YEATS2: variants seen among roughly 807,000 people sequenced by gnomAD.
YEATS2 encodes YEATS domain containing 2.
In YEATS2, 77 loss-of-function variants were observed where a neutral mutation model predicts 163.2. The observed-to-expected ratio is 0.47, with a 90% CI of 0.39 to 0.57. The LOEUF is 0.57. Ranked by LOEUF, YEATS2 falls within the 20% of genes least tolerant of loss-of-function variation. YEATS2 has a pLI of 0.00. For synonymous variants in YEATS2, 631 were observed against 645.1 expected, an observed-to-expected ratio of 0.98 and a Z score of 0.33; for missense variants, 1,549 against 1,729.8, an observed-to-expected ratio of 0.90 and a Z score of 1.85.
chr3:183,765,115 T>C (rs1721774081), intron 15 of YEATS2, among the ~76,000 whole-genome samples: 1 of 152,170 alleles, frequency 6.6e-6, no homozygotes. Context: ...TTACTAGTGC[T>C]CCCACTGTGG....
At chr3:183,724,607 C>A in intron 6 of YEATS2, 76 bp downstream of exon 6, 3 of 989,460 alleles carry the variant, frequency 3.0e-6, no homozygotes, top group South Asian at 1.7e-5. Flanking sequence ...TACAGTGTTA[C>A]AGTAGGAAGC....
At chr3:183,801,613 G>A (rs2108517167) in intron 25 of YEATS2, 85 bp downstream of exon 25, 6 of 1,058,386 alleles carry the variant, frequency 5.7e-6, no homozygotes, top group Admixed American at 2.6e-5. Context: ...ACTTGGGATT[G>A]TAAATTAATA....
rs1408034989 is a variant in YEATS2, at chr3:183,732,468, AAAAT to A, written c.812+3631_812+3634del. ...ACTCTGTCTCAAAATAAATAAATAA[AAAAT>A]AAATAAATAAATATCCCCAGGGTCT... On this transcript the variant is annotated intron_variant, in intron 7 of 30. Transcript: ENST00000305135. Among the ~76,000 whole-genome samples, 4 of 150,404 alleles carry A rather than the reference AAAAT, an allele frequency of 2.7e-5. No homozygotes were observed. The South Asian group carries it at 6.3e-4, about 24-fold the overall frequency.
intron 10 of YEATS2, 43 bp downstream of exon 10, chr3:183,752,296 T>C (rs762993630): frequency 6.2e-7 from 1 of 1,609,142 alleles, no homozygotes; most frequent in Admixed American, 1.7e-5. Flanking sequence ...TCTGAGGCAT[T>C]CCTTTCCCAT....
chr3:183,717,081 C>T (rs767074646), intron 2 of YEATS2, among the ~76,000 whole-genome samples: 2 of 152,004 alleles, frequency 1.3e-5, no homozygotes, highest in South Asian at 4.2e-4. Flanking sequence ...TTGGTAGAGA[C>T]GGGGTTTCAC....
chr3:183,704,618 G>T (rs1008791361), intron 1 of YEATS2, among the ~76,000 whole-genome samples: 1 of 151,764 alleles, frequency 6.6e-6, no homozygotes, highest in Non-Finnish European at 1.5e-5. Flanking sequence ...CTTACTGTAT[G>T]ATTTACATTT....
chr3:183,747,651 C>G (rs768318022), intron 8 of YEATS2, 21 bp from the exon 9 acceptor site: 12 of 1,606,234 alleles, frequency 7.5e-6, no homozygotes, highest in African/African-American at 1.3e-5. Flanking sequence ...ATTTAACACT[C>G]TCCCTTTTGT....
Position 183,756,595 on chromosome 3 carries a change from G to A in YEATS2, c.1458G>A (p.Val486=). 1.9e-6 allele frequency: 3 copies of A among 1,607,428 alleles called. No homozygotes were observed. The highest frequency in any genetic ancestry group is 1.7e-6 in the Non-Finnish European group (2 of 1,176,982). Residue 486 remains valine, a synonymous_variant, in exon 12 of 31, where the codon GTG becomes GTA. Transcript: ENST00000305135. ...CCCCGACTTCCACTCCAGTCCACGT[G>A]AAGCAAGGCACTGCCGGCTCTGTTA... ...PRTPTSTPVH[V]KQGTAGSVIN... is the part of the protein sequence containing the mutation.
chr3:183,721,487 T>C (rs541527281), intron 4 of YEATS2, among the ~76,000 whole-genome samples: 2 of 152,378 alleles, frequency 1.3e-5, no homozygotes, highest in South Asian at 2.1e-4. Context: ...TTTACTCTTA[T>C]GTGGGGACCA....
chr3:183,727,074 T>A (rs552628571), intron 6 of YEATS2, among the ~76,000 whole-genome samples: 3 of 152,288 alleles, frequency 2.0e-5, no homozygotes, highest in Non-Finnish European at 1.5e-5. Flanking sequence ...GTGCTGAGAT[T>A]ACAGGCATGA....
intron 8 of YEATS2, 121 bp downstream of exon 8, chr3:183,736,950 A>T: frequency 1.3e-6 from 1 of 765,782 alleles, no homozygotes; most frequent in Admixed American, 3.0e-5. Flanking sequence ...ACAACTTTCG[A>T]CTCCCCCAAA....
At chr3:183,790,398 G>T (rs2582079) in intron 20 of YEATS2, among the ~76,000 whole-genome samples, 70,252 of 152,022 alleles carry the variant, frequency 0.46, 16,593 homozygotes, top group East Asian at 0.65. Context: ...GTGACAGACT[G>T]TAGATGTTTG....
chr3:183,729,801 C>T (rs1681821637), intron 7 of YEATS2, among the ~76,000 whole-genome samples: 1 of 151,920 alleles, frequency 6.6e-6, no homozygotes, highest in Non-Finnish European at 1.5e-5. Context: ...GATTCTTCTG[C>T]CTCAGCCTCC....
At chr3:183,703,349 A>G (rs182604168) in intron 1 of YEATS2, among the ~76,000 whole-genome samples, 1 of 152,338 alleles carries the variant, frequency 6.6e-6, no homozygotes, top group East Asian at 1.9e-4. Context: ...CTGACTTAGA[A>G]TAATTAGCAT....
At chr3:183,702,350 C>A (rs1368715709) in intron 1 of YEATS2, among the ~76,000 whole-genome samples, 2 of 152,070 alleles carry the variant, frequency 1.3e-5, no homozygotes, top group Admixed American at 1.3e-4. Context: ...GAGGCTGTGG[C>A]TGGAGAATCA....
chr3:183,727,975 G>A (rs984511359), intron 6 of YEATS2, among the ~76,000 whole-genome samples: 8 of 151,268 alleles, frequency 5.3e-5, no homozygotes, highest in Middle Eastern at 3.2e-3. Flanking sequence ...ATAGCACACC[G>A]AATAAGGAGA....
chr3:183,795,482 T>C (rs2582082), intron 21 of YEATS2, among the ~76,000 whole-genome samples: 1 of 134,714 alleles, frequency 7.4e-6, no homozygotes, highest in African/African-American at 2.9e-5. Context: ...TTTTTTTTTT[T>C]TAGAGACGGG....
intron 8 of YEATS2, among the ~76,000 whole-genome samples, chr3:183,740,294 G>A (rs1199492539): frequency 6.6e-6 from 1 of 151,896 alleles, no homozygotes; most frequent in East Asian, 1.9e-4. Flanking sequence ...GTGGGCGAAG[G>A]ACATGAACAG....
intron 27 of YEATS2, among the ~76,000 whole-genome samples, chr3:183,805,521 G>A (rs1337509628): frequency 6.6e-6 from 1 of 152,074 alleles, no homozygotes; most frequent in Non-Finnish European, 1.5e-5. Context: ...TAAGACTTAG[G>A]GCCGGGCTCA....
Sources: allele counts gnomAD v4.1 joint callset (sites outside exome capture counted in the v4.1 genomes callset), GRCh38; gene constraint gnomAD v4.1.1; transcripts MANE v1.5; gene names NCBI Gene and HGNC (gene_info 2026-07-23, HGNC 2026-07-21).